The following APBA2 variants were observed in gnomAD, a reference collection of about 807,000 sequenced individuals.
APBA2 encodes the protein amyloid-beta A4 precursor protein-binding family A member 2.
APBA2 carries 30 observed loss-of-function variants against 75.0 expected under a neutral mutation model. The ratio of observed to expected loss-of-function variants is 0.40; its 90% CI spans 0.30 to 0.54. The LOEUF is 0.54. Among genes scored for constraint, APBA2 ranks in the 20% least tolerant of loss-of-function variants. The pLI is 0.49. For missense variants in APBA2, 801 were observed against 1,016.1 expected, an observed-to-expected ratio of 0.79 and a Z score of 2.88; for synonymous variants, 444 against 409.6, an observed-to-expected ratio of 1.08 and a Z score of -1.01.
intron 2 of APBA2, among the ~76,000 whole-genome samples, chr15:28,985,124 C>T (rs925018641): frequency 6.6e-6 from 1 of 152,134 alleles, no homozygotes; most frequent in Non-Finnish European, 1.5e-5. Context: ...ACATCACACC[C>T]TTCAGGCTTG....
At chr15:29,089,844 G>A (rs567941915) in intron 6 of APBA2, among the ~76,000 whole-genome samples, 1 of 152,314 alleles carries the variant, frequency 6.6e-6, no homozygotes, top group Non-Finnish European at 1.5e-5. Flanking sequence ...CTTTAAACCT[G>A]TATCTTGATT....
At chr15:28,968,975 C>T (rs2036887841) in intron 2 of APBA2, among the ~76,000 whole-genome samples, 1 of 151,662 alleles carries the variant, frequency 6.6e-6, no homozygotes, top group African/African-American at 2.4e-5. Flanking sequence ...TCATGGTTGT[C>T]AAAAAGTCTT....
intron 3 of APBA2, among the ~76,000 whole-genome samples, chr15:29,038,177 C>T (rs2040841850): frequency 6.6e-6 from 1 of 152,198 alleles, no homozygotes; most frequent in Non-Finnish European, 1.5e-5. Flanking sequence ...ACAACTTCTG[C>T]CTTCCCCACA....
chr15:29,045,217 T>G (rs1014905076), intron 3 of APBA2, among the ~76,000 whole-genome samples: 5 of 151,510 alleles, frequency 3.3e-5, no homozygotes, highest in Admixed American at 2.0e-4. Flanking sequence ...TAGCTGGGAT[T>G]ACAGGTGCAC....
At chr15:29,050,760 A>T (rs946050869) in intron 3 of APBA2, among the ~76,000 whole-genome samples, 2 of 152,180 alleles carry the variant, frequency 1.3e-5, no homozygotes, top group Admixed American at 1.3e-4. Context: ...TACAGATTTT[A>T]TCCCCCCGAA....
chr15:29,015,516 A>C (rs2039614748), intron 3 of APBA2, among the ~76,000 whole-genome samples: 1 of 152,200 alleles, frequency 6.6e-6, no homozygotes, highest in Admixed American at 6.5e-5. Context: ...CTGGCAGATG[A>C]TAAGAGGGAG....
At chr15:29,113,781 G>A (rs975910453) in intron 13 of APBA2, 95 bp from the exon 14 acceptor site, 13 of 1,527,910 alleles carry the variant, frequency 8.5e-6, no homozygotes, top group African/African-American at 1.4e-5. Context: ...ATCATGTGGC[G>A]CTTTTCCCTC....
intron 4 of APBA2, among the ~76,000 whole-genome samples, chr15:29,059,498 A>G (rs1278706741): frequency 6.6e-6 from 1 of 152,196 alleles, no homozygotes; most frequent in African/African-American, 2.4e-5. Context: ...ACAGGTAGAA[A>G]ACCCAAGAAC....
At chr15:29,013,348 C>T (rs988927855) in intron 3 of APBA2, among the ~76,000 whole-genome samples, 7 of 143,346 alleles carry the variant, frequency 4.9e-5, no homozygotes, top group South Asian at 4.5e-4. Context: ...GGCATGATCT[C>T]GGCTTGCTGC....
rs367847903 is a variant in APBA2 at position 29,092,054 on chromosome 15, G to A, written c.1070-1021G>A. Among the ~76,000 whole-genome samples, 6 of 152,326 alleles carry A rather than the reference G, an allele frequency of 3.9e-5. No homozygotes were observed. In the East Asian group the frequency reaches 7.7e-4, roughly 20 times the overall value. The stretch of plus-strand genomic sequence containing the variant: ...CACGGTCTAGGATAGCTCAGAGGTC[G>A]GCTGACTGCAGCCCCAATCGCAAAT... On this transcript the variant is annotated intron_variant, in intron 6 of 14. Transcript: ENST00000683413.
chr15:29,092,791 G>T (rs1408446820), intron 6 of APBA2, among the ~76,000 whole-genome samples: 2 of 152,206 alleles, frequency 1.3e-5, no homozygotes, highest in Non-Finnish European at 1.5e-5. Context: ...GCCTGTGATT[G>T]TCATCTTGAG....
intron 3 of APBA2, among the ~76,000 whole-genome samples, chr15:29,005,101 G>A (rs1595706976): frequency 6.6e-6 from 1 of 152,180 alleles, no homozygotes; most frequent in African/African-American, 2.4e-5. Context: ...ATCTTAAATA[G>A]CAAAGGCGTA....
chr15:28,981,261 C>T (rs886138758), intron 2 of APBA2, among the ~76,000 whole-genome samples: 1 of 152,110 alleles, frequency 6.6e-6, no homozygotes, highest in African/African-American at 2.4e-5. Context: ...ATGCATCCAA[C>T]AAAAGTCTAA....
intron 3 of APBA2, among the ~76,000 whole-genome samples, chr15:29,036,077 A>G (rs2152853783): frequency 6.6e-6 from 1 of 152,102 alleles, no homozygotes; most frequent in South Asian, 2.1e-4. Context: ...GAGGCTGGAG[A>G]GGTGCCAGGG....
intron 10 of APBA2, among the ~76,000 whole-genome samples, chr15:29,104,342 G>A (rs2044290756): frequency 6.6e-6 from 1 of 152,196 alleles, no homozygotes; most frequent in South Asian, 2.1e-4. Flanking sequence ...GGGCTGAGGC[G>A]TCACCAAGGC....
intron 12 of APBA2, among the ~76,000 whole-genome samples, chr15:29,107,198 TGG>T (rs2044464545): frequency 1.3e-5 from 2 of 152,296 alleles, no homozygotes; most frequent in East Asian, 3.9e-4. Flanking sequence ...CCCTCAGTGC[TGG>T]TGGGCTGGGG....
chr15:29,000,995 G>A (rs2038814055), intron 3 of APBA2, among the ~76,000 whole-genome samples: 1 of 152,002 alleles, frequency 6.6e-6, no homozygotes, highest in Admixed American at 6.5e-5. Flanking sequence ...CCTCTCTCAG[G>A]TGCTTCTCTT....
intron 2 of APBA2, among the ~76,000 whole-genome samples, chr15:28,953,837 C>T (rs116127161): frequency 0.011 from 1,672 of 152,252 alleles, 32 homozygotes; most frequent in African/African-American, 0.038. Context: ...CTTCTCCGCT[C>T]GGTCCACACT....
intron 10 of APBA2, chr15:29,102,105 G>A: frequency 2.1e-6 from 1 of 483,284 alleles, no homozygotes; most frequent in Non-Finnish European, 3.8e-6. Flanking sequence ...CATAACTTTT[G>A]TTATTAAAAT....
Sources: allele counts gnomAD v4.1 joint callset (sites outside exome capture counted in the v4.1 genomes callset), GRCh38; gene constraint gnomAD v4.1.1; transcripts MANE v1.5; gene names NCBI Gene and HGNC (gene_info 2026-07-23, HGNC 2026-07-21).